Variants in NIT1 observed in about 807,000 individuals in gnomAD.
NIT1 encodes nitrilase 1.
A neutral mutation model predicts 36.8 loss-of-function variants in NIT1; 30 were observed. That is an observed-to-expected ratio of 0.82 (90% CI 0.61 to 1.11). The LOEUF is 1.11. Ranked by LOEUF, NIT1 falls within the 50% of genes least tolerant of loss-of-function variation. The pLI is 0.00. For missense variants in NIT1, 438 were observed against 410.6 expected (o/e 1.07, Z -0.58); for synonymous variants, 151 against 155.6 (o/e 0.97, Z 0.22).
At chr1:161,121,213 T>G, downstream of NIT1, 1 of 998,528 alleles carries the variant, frequency 1.0e-6, no homozygotes, top group South Asian at 4.2e-5. Context: ...CCCAGCCCCA[T>G]TCTCCCAAGC....
downstream of NIT1, chr1:161,123,754 T>A: frequency 1.6e-6 from 2 of 1,261,764 alleles, no homozygotes; most frequent in Non-Finnish European, 2.2e-6. Flanking sequence ...CATCCTTTCA[T>A]TTAAGCTGGC....
downstream of NIT1, chr1:161,122,559 A>T (rs1571215981): frequency 2.5e-6 from 4 of 1,590,972 alleles, no homozygotes; most frequent in East Asian, 9.0e-5. The surrounding 1 kb of genome is among the most constrained non-coding windows in gnomAD (Gnocchi z 4.2). Flanking sequence ...AGAAGAGGTT[A>T]CAGTAAGGGA....
At chr1:161,122,440 G>A, downstream of NIT1, 1 of 1,614,244 alleles carries the variant, frequency 6.2e-7, no homozygotes, top group Non-Finnish European at 8.5e-7. The surrounding 1 kb of genome is among the most constrained non-coding windows in gnomAD (Gnocchi z 4.2). Flanking sequence ...TGGCGCTCAA[G>A]TGGGTCCTGC....
At chr1:161,123,291 T>A, downstream of NIT1, 1 of 1,433,150 alleles carries the variant, frequency 7.0e-7, no homozygotes, top group East Asian at 2.3e-5. Flanking sequence ...TCTGTTGGAA[T>A]GAGGAAGGAA....
Position 161,119,378 on chromosome 1 carries a change from C to G in NIT1, c.343C>G (p.Gln115Glu). The change falls in exon 3 of 7, where the codon CAG (glutamine) becomes GAG (glutamate). Residue 115 changes from glutamine (Q) to glutamate (E), a missense_variant. By Grantham distance (29) the Gln-to-Glu change is conservative. Coordinates refer to ENST00000368009, the MANE Select transcript of NIT1 (RefSeq NM_005600.3). ...LGGKLLEEYT[Q>E]LARECGLWLS... ...TGGGAAACTTTTGGAAGAATACACC[C>G]AGCTTGCCAGGTATCAGGGAAATAG... is the stretch of plus-strand genomic sequence containing the variant. 1 of 1,613,816 alleles carries G rather than the reference C, an allele frequency of 6.2e-7. No individual in the cohort carries two copies. Among genetic ancestry groups the G allele is most frequent in the Non-Finnish European group, 8.5e-7 (1 of 1,179,692 alleles).
chr1:161,118,216 C>G (rs752311778), intron 1 of NIT1, 38 bp downstream of exon 1: 3 of 1,614,000 alleles, frequency 1.9e-6, no homozygotes, highest in Non-Finnish European at 2.5e-6. Flanking sequence ...CGCGGTGAAT[C>G]CCACCTGCGG....
downstream of NIT1, chr1:161,121,949 TA>T: frequency 1.6e-6 from 1 of 624,474 alleles, no homozygotes; most frequent in South Asian, 2.3e-5. Context: ...AAAAGGGAAA[TA>T]AAGGGGAAGC....
rs1263411084 is a variant in NIT1 at position 161,119,075 on chromosome 1, G to A, written c.99-59G>A. The A allele has an allele frequency of 3.8e-6, 6 of 1,595,830 alleles. No individual in the cohort carries two copies. The African/African-American group carries it at 6.7e-5, about 18-fold the overall frequency. ...CCTGCCTCTCCACTTGCACCCCTTA[G>A]CATTAAATTTGCTTCCCTGTGCTAT... On this transcript the variant is annotated intron_variant, in intron 2 of 6. Coordinates refer to ENST00000368009, the MANE Select transcript of NIT1 (RefSeq NM_005600.3).
At chr1:161,123,251 CAGT>C (rs1053881869), downstream of NIT1, 6 of 1,597,782 alleles carry the variant, frequency 3.8e-6, no homozygotes, top group African/African-American at 8.0e-5. Context: ...GAAGAAAACA[CAGT>C]AGGGTAAAGG....
At chr1:161,121,304 C>A, downstream of NIT1, 1 of 487,714 alleles carries the variant, frequency 2.1e-6, no homozygotes, top group Non-Finnish European at 2.7e-6. Context: ...TTTGCCCAAG[C>A]CAGAAGAAAG....
Position 161,120,599 on chromosome 1 carries a change from T to C in NIT1, c.818T>C (p.Met273Thr). The C allele has an allele frequency of 1.2e-6, 2 of 1,614,194 alleles. No individual in the cohort carries two copies. Among genetic ancestry groups the C allele is most frequent in the Admixed American group, 1.7e-5 (1 of 60,014 alleles). Reference sequence around the variant, plus strand: ...AAGAGAGCAAGTTATGGCCACAGCATGGTGGTAGACCCCTGGGGAACAGTG... The same window carrying C: ...AAGAGAGCAAGTTATGGCCACAGCACGGTGGTAGACCCCTGGGGAACAGTG... ...HEKRASYGHS[M>T]VVDPWGTVVA... The change falls in exon 7 of 7, where the codon ATG (methionine) becomes ACG (threonine). Residue 273 changes from methionine (M) to threonine (T), a missense_variant. By Grantham distance (81) the Met-to-Thr change is moderately conservative. Coordinates refer to ENST00000368009, the MANE Select transcript of NIT1 (RefSeq NM_005600.3).
At position 161,120,149 on chromosome 1, in the gene NIT1, T is replaced by A. The variant is rs769029623; in HGVS notation, c.634T>A (p.Ser212Thr). The A allele has an allele frequency of 5.6e-6, 9 of 1,614,080 alleles. No individual in the cohort carries two copies. The highest frequency in any genetic ancestry group is 4.0e-5 in the African/African-American group (3 of 74,920). ...CTATGACATGCGGTTCCCTGAACTC[T>A]CTCTGGCATTGGCTCAAGCTGGAGC... ...VCYDMRFPEL[S>T]LALAQAGAEI... Residue 212 changes from serine (S) to threonine (T), a missense_variant, in exon 6 of 7, where the codon TCT becomes ACT. By Grantham distance (58) the Ser-to-Thr change is moderately conservative. Transcript: ENST00000368009.
Position 161,119,362 on chromosome 1 carries a change from T to A in NIT1, c.327T>A (p.Leu109=). ...TGTCTGAACCACTGGGTGGGAAACT[T>A]TTGGAAGAATACACCCAGCTTGCCA... ...LHLSEPLGGK[L]LEEYTQLARE... The change falls in exon 3 of 7, where the codon CTT becomes CTA. Residue 109 remains leucine, a synonymous_variant. Transcript: ENST00000368009. 6.2e-7 allele frequency: 1 copy of A among 1,614,010 alleles called. No homozygotes were observed. The highest frequency in any genetic ancestry group is 1.1e-5 in the South Asian group (1 of 91,068).
downstream of NIT1, chr1:161,121,905 AG>A: frequency 6.0e-6 from 3 of 495,982 alleles, no homozygotes; most frequent in South Asian, 8.6e-5. Context: ...CTCAGTGGTA[AG>A]GTAGCTGTAG....
downstream of NIT1, chr1:161,123,725 G>A (rs2101742560): frequency 1.1e-6 from 1 of 915,830 alleles, no homozygotes; most frequent in East Asian, 2.5e-5. Flanking sequence ...TTTTTATGGG[G>A]CAAGATGTGG....
Position 161,121,051 on chromosome 1 carries a change from A to G in NIT1, c.*286A>G. ...CTGAGCAGCACTGGCATTGAAAAAT[A>G]TAATAATCATAAAGTCTGTGTCTGG... On this transcript the variant is annotated 3_prime_UTR_variant, in exon 7 of 7. Coordinates refer to ENST00000368009, the MANE Select transcript of NIT1 (RefSeq NM_005600.3). The G allele has an allele frequency of 1.6e-6, 2 of 1,272,900 alleles. No individual in the cohort carries two copies. The highest frequency in any genetic ancestry group is 2.0e-6 in the Non-Finnish European group (2 of 1,003,056). The allele number at this position is 1,272,900 out of a possible 1,614,324, so 78.9% of individuals were successfully genotyped here.
At chr1:161,118,274 G>T (rs1655047448) in intron 1 of NIT1, 96 bp downstream of exon 1, 32 of 1,606,608 alleles carry the variant, frequency 2.0e-5, no homozygotes. Flanking sequence ...GAGGCGGGGA[G>T]GGACGGGCCA....
Position 161,119,595 on chromosome 1 carries a change from T to C in NIT1, c.440T>C (p.Val147Ala), listed in dbSNP as rs1235736476. The stretch of plus-strand genomic sequence containing the variant: ...ACTCAGAAAATCTACAATTGTCACG[T>C]GCTGCTGAACAGCAAAGGTGAGACT... The part of the protein sequence containing the change: ...EQTQKIYNCH[V>A]LLNSKGAVVA... The change falls in exon 4 of 7, where the codon GTG becomes GCG. Residue 147 changes from valine to alanine, a missense_variant. Physicochemically the swap from Val to Ala is moderately conservative, Grantham distance 64 (BLOSUM62 0). Transcript: ENST00000368009. 2.5e-6 allele frequency: 4 copies of C among 1,614,142 alleles called. No individual in the cohort carries two copies. In the Admixed American group the frequency reaches 5.0e-5, roughly 20 times the overall value.
At chr1:161,123,423 A>C (rs1463873251), downstream of NIT1, among the ~76,000 whole-genome samples, 1 of 152,134 alleles carries the variant, frequency 6.6e-6, no homozygotes, top group African/African-American at 2.4e-5. Flanking sequence ...GTGGATCATG[A>C]GGTCAGGAGA....
Sources: allele counts gnomAD v4.1 joint callset (sites outside exome capture counted in the v4.1 genomes callset), GRCh38; gene constraint gnomAD v4.1.1; non-coding constraint Gnocchi (gnomAD v3.1); transcripts MANE v1.5; gene names NCBI Gene and HGNC (gene_info 2026-07-23, HGNC 2026-07-21).